Variants in NRXN3 observed in about 807,000 individuals in gnomAD.
The protein encoded by NRXN3 is neurexin 3.
Under a neutral mutation model 137.6 loss-of-function variants are expected in NRXN3, and 32 were observed. The observed-to-expected ratio is 0.23, with a 90% CI of 0.18 to 0.31. NRXN3 has a LOEUF of 0.31. Among genes scored for constraint, NRXN3 ranks in the 10% least tolerant of loss-of-function variants. NRXN3 has a pLI of 1.00. For missense variants in NRXN3, 1,574 were observed against 2,062.5 expected, an observed-to-expected ratio of 0.76 and a Z score of 4.59; for synonymous variants, 798 against 784.5, an observed-to-expected ratio of 1.02 and a Z score of -0.29.
At chr14:79,224,137 T>A (rs1345136590) in intron 15 of NRXN3, among the ~76,000 whole-genome samples, 2 of 152,150 alleles carry the variant, frequency 1.3e-5, no homozygotes, top group Non-Finnish European at 2.9e-5. Context: ...ACTGTCTTCG[T>A]TAAACAGTTT....
intron 4 of NRXN3, among the ~76,000 whole-genome samples, chr14:78,376,630 C>T (rs1485957034): frequency 6.6e-6 from 1 of 152,142 alleles, no homozygotes; most frequent in African/African-American, 2.4e-5. Flanking sequence ...TATTCCATAT[C>T]TGGAGCTAAA....
At chr14:79,201,464 A>C (rs752806336) in intron 15 of NRXN3, 1 of 152,224 alleles carries the variant, frequency 6.6e-6, no homozygotes, top group Non-Finnish European at 1.5e-5. Flanking sequence ...CTGTTTCTTA[A>C]GGATATGATA....
At chr14:78,245,192 C>T (rs1478439026) in intron 2 of NRXN3, among the ~76,000 whole-genome samples, 5 of 152,146 alleles carry the variant, frequency 3.3e-5, no homozygotes, top group African/African-American at 9.7e-5. Flanking sequence ...CCCTACTGGT[C>T]TCTTCGTGGA....
chr14:78,664,254 C>G (rs1379107427), intron 6 of NRXN3, among the ~76,000 whole-genome samples: 1 of 152,180 alleles, frequency 6.6e-6, no homozygotes, highest in Non-Finnish European at 1.5e-5. Context: ...CTAAGCTTCT[C>G]TCTCTCCACC....
chr14:79,424,332 A>G (rs1331410286), intron 15 of NRXN3, among the ~76,000 whole-genome samples: 1 of 152,186 alleles, frequency 6.6e-6, no homozygotes, highest in Non-Finnish European at 1.5e-5. Flanking sequence ...GTAGGTAGAT[A>G]ACGGCATTCA....
chr14:79,769,647 C>T (rs916997664), intron 19 of NRXN3, among the ~76,000 whole-genome samples: 14 of 152,150 alleles, frequency 9.2e-5, no homozygotes, highest in East Asian at 1.9e-4. Flanking sequence ...AAGGAACAAC[C>T]GATACCAGCC....
At chr14:79,612,638 C>G (rs931186486) in intron 16 of NRXN3, among the ~76,000 whole-genome samples, 19 of 152,142 alleles carry the variant, frequency 1.2e-4, no homozygotes, top group African/African-American at 4.3e-4. Flanking sequence ...TGCTTGGGGC[C>G]GGGAGTTTGA....
chr14:78,557,594 T>C (rs2096750972), intron 4 of NRXN3, among the ~76,000 whole-genome samples: 1 of 152,214 alleles, frequency 6.6e-6, no homozygotes, highest in Non-Finnish European at 1.5e-5. Flanking sequence ...AGGTGCCTAG[T>C]GGCCTTTAGT....
intron 15 of NRXN3, among the ~76,000 whole-genome samples, chr14:79,465,765 G>T (rs2096413469): frequency 6.6e-6 from 1 of 152,132 alleles, no homozygotes; most frequent in Non-Finnish European, 1.5e-5. Context: ...AGTTTTAAGG[G>T]TTGGAACATG....
intron 14 of NRXN3, among the ~76,000 whole-genome samples, chr14:78,977,088 T>G (rs924208837): frequency 6.6e-6 from 1 of 152,184 alleles, no homozygotes; most frequent in African/African-American, 2.4e-5. Context: ...ATGGGGACAC[T>G]GAGGTTTAGA....
At chr14:78,933,249 G>T (rs188481497) in intron 10 of NRXN3, among the ~76,000 whole-genome samples, 40 of 152,286 alleles carry the variant, frequency 2.6e-4, no homozygotes, top group Admixed American at 2.2e-3. Flanking sequence ...GTACATATTT[G>T]AATGGAAGAA....
At chr14:78,513,549 A>G (rs1567807819) in intron 4 of NRXN3, among the ~76,000 whole-genome samples, 2 of 152,174 alleles carry the variant, frequency 1.3e-5, no homozygotes, top group Admixed American at 1.3e-4. Context: ...ATTCTATGAG[A>G]CACAGGAACA....
intron 15 of NRXN3, among the ~76,000 whole-genome samples, chr14:79,257,920 T>G (rs1371190544): frequency 6.6e-6 from 1 of 152,112 alleles, no homozygotes; most frequent in Non-Finnish European, 1.5e-5. Context: ...ATTTTAAACT[T>G]TTCTCTACTG....
At chr14:79,375,046 A>C (rs2094221524) in intron 15 of NRXN3, among the ~76,000 whole-genome samples, 1 of 152,164 alleles carries the variant, frequency 6.6e-6, no homozygotes, top group Non-Finnish European at 1.5e-5. Context: ...AAACAGTGTT[A>C]TCAGACATCC....
At chr14:78,562,290 A>G (rs1465536554) in intron 4 of NRXN3, among the ~76,000 whole-genome samples, 1 of 150,868 alleles carries the variant, frequency 6.6e-6, no homozygotes, top group African/African-American at 2.4e-5. Context: ...CCGGCTACTC[A>G]GGAGGCTGAG....
In NRXN3 at chr14:79,822,787, T is replaced by TA. The variant is rs2099276526; in HGVS notation, c.4093+17600dup. On this transcript the variant is annotated intron_variant, in intron 20 of 20. Coordinates refer to ENST00000335750, the MANE Select transcript of NRXN3 (RefSeq NM_001330195.2). ...TTTAATTTCAGTTAAAAAAATAGATTAAAGGCACAAAATAGATTTCCAAAC... is the reference window on the plus strand; with the variant it reads ...TTTAATTTCAGTTAAAAAAATAGATTAAAAGGCACAAAATAGATTTCCAAAC... 2.6e-5 allele frequency among the ~76,000 whole-genome samples: 4 copies of TA among 151,662 alleles called. No homozygotes were observed. The South Asian group carries it at 6.3e-4, about 24-fold the overall frequency.
chr14:78,988,411 G>A (rs774474487), intron 15 of NRXN3: 2 of 410,602 alleles, frequency 4.9e-6, no homozygotes, highest in Non-Finnish European at 9.0e-6. Flanking sequence ...AACCACAGCA[G>A]CAAACCATTT....
At chr14:79,575,746 A>G (rs1366883117) in intron 16 of NRXN3, among the ~76,000 whole-genome samples, 1 of 152,136 alleles carries the variant, frequency 6.6e-6, no homozygotes, top group Non-Finnish European at 1.5e-5. Flanking sequence ...GTATATATAC[A>G]TATGTCTGAG....
chr14:78,173,623 A>AC (rs1261428210), intron 1 of NRXN3, among the ~76,000 whole-genome samples: 53 of 52,376 alleles, frequency 1.0e-3, no homozygotes, highest in Middle Eastern at 0.017. Flanking sequence ...CCCTAGGCGC[A>AC]CCCCCCCTTC....
Sources: gnomAD v4.1 joint callset for allele counts (sites outside exome capture counted in the v4.1 genomes callset) on GRCh38, gnomAD v4.1.1 for gene constraint, MANE v1.5 for transcripts, NCBI Gene and HGNC (gene_info 2026-07-23, HGNC 2026-07-21) for gene names.